NTN1: variants seen among roughly 807,000 people sequenced by gnomAD.
NTN1 encodes netrin-1.
In NTN1, 11 loss-of-function variants were observed where a neutral mutation model predicts 54.2. The ratio of observed to expected loss-of-function variants is 0.20; its 90% CI spans 0.13 to 0.34. The LOEUF is 0.34. Among genes scored for constraint, NTN1 ranks in the 10% least tolerant of loss-of-function variants. The pLI is 1.00. For missense variants in NTN1, 740 were observed against 893.1 expected (o/e 0.83, Z 2.18); for synonymous variants, 371 against 382.0 (o/e 0.97, Z 0.33).
chr17:9,131,389 C>T (rs1319278213), intron 2 of NTN1, among the ~76,000 whole-genome samples: 1 of 152,126 alleles, frequency 6.6e-6, no homozygotes, highest in Non-Finnish European at 1.5e-5. Context: ...TGTTCATTGC[C>T]ACATCCCCTG....
chr17:9,240,158 T>G lies in NTN1; in HGVS notation c.*190T>G, dbSNP rs2142380412. ...CTCCCCCTACCCCCACCCTGCGCGC[T>G]CTGGGCGGGAGCCGCGTGCACGCGG... On this transcript the variant is annotated 3_prime_UTR_variant, in exon 7 of 7. Coordinates refer to ENST00000173229, the MANE Select transcript of NTN1 (RefSeq NM_004822.3). 5 of 220,762 alleles carry G rather than the reference T, an allele frequency of 2.3e-5. No individual in the cohort carries two copies. The highest frequency in any genetic ancestry group is 3.9e-5 in the Non-Finnish European group (5 of 129,260). 13.7% of individuals were successfully genotyped at this position (220,762 alleles called of 1,614,324 possible). A position where few individuals can be genotyped will look rare whatever the true frequency, so the allele number is the denominator to read the frequency against.
chr17:9,050,188 A>C (rs1485379583), intron 2 of NTN1, among the ~76,000 whole-genome samples: 2 of 151,870 alleles, frequency 1.3e-5, no homozygotes, highest in African/African-American at 4.8e-5. Flanking sequence ...CAGAGCTTGC[A>C]GTGAGCTGAG....
At chr17:9,188,370 G>A (rs1223051989) in intron 5 of NTN1, among the ~76,000 whole-genome samples, 2 of 146,748 alleles carry the variant, frequency 1.4e-5, no homozygotes, top group Non-Finnish European at 3.0e-5. Flanking sequence ...GGAGGTTGCA[G>A]TGAGCTGAGA....
chr17:9,048,969 A>T lies in NTN1; in HGVS notation c.1018+25578A>T, dbSNP rs182202172. ...CCGCGCCCGGCGGAAAATGCTTCTT[A>T]AAATAAGCATTTCTTAGCCTTTTCC... On this transcript the variant is annotated intron_variant, in intron 2 of 6. Transcript: ENST00000173229. 4.6e-5 allele frequency among the ~76,000 whole-genome samples: 7 copies of T among 152,288 alleles called. No homozygotes were observed. In the East Asian group the frequency reaches 1.4e-3, roughly 29 times the overall value.
chr17:9,236,982 G>T (rs1906013195), intron 6 of NTN1, among the ~76,000 whole-genome samples: 1 of 152,158 alleles, frequency 6.6e-6, no homozygotes, highest in Non-Finnish European at 1.5e-5. Flanking sequence ...GAAGTCTAAG[G>T]CTAGGCCTTC....
chr17:9,168,381 A>AC (rs2092378519), intron 3 of NTN1, among the ~76,000 whole-genome samples: 1 of 152,098 alleles, frequency 6.6e-6, no homozygotes. Flanking sequence ...AAAAATACAA[A>AC]ATTAGCCGGG....
At chr17:9,171,351 C>T (rs1161185156) in intron 3 of NTN1, 9 of 152,228 alleles carry the variant, frequency 5.9e-5, no homozygotes, top group African/African-American at 2.2e-4. Flanking sequence ...ATGCCCCCCT[C>T]TCCCCACCAG....
rs73252066 is a variant in NTN1 at position 9,146,755 on chromosome 17, G to C, written c.1019-16058G>C. ...TCTCAAAACAATTTGGAGGAGGAAA[G>C]TGAGGGGCTAACTCGCCGCAGGACT... On this transcript the variant is annotated intron_variant, in intron 2 of 6. Transcript: ENST00000173229. Among the ~76,000 whole-genome samples the C allele has an allele frequency of 2.1e-3, 320 of 152,298 alleles. 2 individuals carry two copies. Among genetic ancestry groups the C allele is most frequent in the African/African-American group, 7.5e-3 (311 of 41,582 alleles).
At chr17:9,216,886 C>T (rs553791601) in intron 5 of NTN1, among the ~76,000 whole-genome samples, 7 of 152,168 alleles carry the variant, frequency 4.6e-5, no homozygotes, top group African/African-American at 1.7e-4. Context: ...ACTAAAGATA[C>T]AAAAAATTAG....
chr17:9,036,839 C>T (rs868544382), intron 2 of NTN1, among the ~76,000 whole-genome samples: 14 of 152,296 alleles, frequency 9.2e-5, no homozygotes, highest in African/African-American at 3.4e-4. Context: ...AACCCTACCC[C>T]TCCACTGGGG....
chr17:9,169,694 G>A (rs1009523367), intron 3 of NTN1, among the ~76,000 whole-genome samples: 2 of 152,154 alleles, frequency 1.3e-5, no homozygotes, highest in African/African-American at 4.8e-5. Context: ...GTGAAACCCT[G>A]TCTCTACTAA....
intron 2 of NTN1, among the ~76,000 whole-genome samples, chr17:9,088,434 A>C (rs1384722735): frequency 6.6e-6 from 1 of 152,096 alleles, no homozygotes; most frequent in African/African-American, 2.4e-5. Flanking sequence ...ACTCCTTCTT[A>C]TGAAACAAGG....
chr17:9,138,396 C>T (rs1261961991), intron 2 of NTN1, among the ~76,000 whole-genome samples: 7 of 152,034 alleles, frequency 4.6e-5, no homozygotes, highest in Admixed American at 2.6e-4. Flanking sequence ...CTGGCAGGAG[C>T]GGGCTTGGAA....
intron 2 of NTN1, among the ~76,000 whole-genome samples, chr17:9,087,607 TCCCACA>T (rs2092093993): frequency 6.6e-6 from 1 of 152,082 alleles, no homozygotes; most frequent in African/African-American, 2.4e-5. Context: ...CATTCATTGC[TCCCACA>T]TACCAGAGTC....
intron 5 of NTN1, among the ~76,000 whole-genome samples, chr17:9,213,182 G>T (rs911004853): frequency 2.4e-4 from 36 of 152,242 alleles, no homozygotes; most frequent in African/African-American, 8.7e-4. Context: ...TGGGCCTGCT[G>T]CGAGCCAGGC....
At chr17:9,177,501 G>A (rs574425211) in intron 3 of NTN1, 10 of 152,252 alleles carry the variant, frequency 6.6e-5, no homozygotes, top group Non-Finnish European at 1.2e-4. Context: ...AGAAGTTACT[G>A]GTGCACAGCT....
intron 2 of NTN1, among the ~76,000 whole-genome samples, chr17:9,040,535 A>G (rs1454680976): frequency 1.3e-5 from 2 of 152,162 alleles, no homozygotes; most frequent in Non-Finnish European, 1.5e-5. Context: ...GACTTCAACT[A>G]TATATATGAA....
intron 6 of NTN1, among the ~76,000 whole-genome samples, chr17:9,225,209 C>T (rs1327194673): frequency 1.3e-5 from 2 of 151,920 alleles, no homozygotes; most frequent in East Asian, 1.9e-4. Flanking sequence ...GAGCTGAGAT[C>T]GTGCCGTTGC....
chr17:9,084,584 G>C (rs902903342), intron 2 of NTN1, among the ~76,000 whole-genome samples: 1 of 151,410 alleles, frequency 6.6e-6, no homozygotes, highest in Admixed American at 6.6e-5. Context: ...GGTGGAAGGA[G>C]ACCTCTGGAC....
Sources: allele counts gnomAD v4.1 joint callset (sites outside exome capture counted in the v4.1 genomes callset), GRCh38; gene constraint gnomAD v4.1.1; transcripts MANE v1.5; gene names NCBI Gene and HGNC (gene_info 2026-07-23, HGNC 2026-07-21).